ZDHHC11: variants seen among roughly 807,000 people sequenced by gnomAD.
The protein encoded by ZDHHC11 is zDHHC palmitoyltransferase 11, also known as palmitoyltransferase ZDHHC11.
Under a neutral mutation model 51.3 loss-of-function variants are expected in ZDHHC11, and 44 were observed. The ratio of observed to expected loss-of-function variants is 0.86; its 90% CI spans 0.67 to 1.10. The LOEUF is 1.10. ZDHHC11 is among the 50% of genes least tolerant of loss of function. The pLI is 0.00. For missense variants in ZDHHC11, 400 were observed against 537.7 expected (o/e 0.74, Z 2.53); for synonymous variants, 163 against 222.0 (o/e 0.73, Z 2.36).
At position 807,015 on chromosome 5, in the gene ZDHHC11, A is replaced by G. The variant is rs1452585214; in HGVS notation, c.1182-5851T>C. Among the ~76,000 whole-genome samples, 5 of 151,154 alleles carry G rather than the reference A, an allele frequency of 3.3e-5. No homozygotes were observed. The East Asian group carries it at 9.6e-4, about 29-fold the overall frequency. On this transcript the variant is annotated intron_variant, in intron 11 of 12. Transcript: ENST00000283441. ...GGAGAAATGGTTGCACCTGTACAAC[A>G]GGAGATCTGTCAAGATCAAGCAGCA...
intron 11 of ZDHHC11, among the ~76,000 whole-genome samples, chr5:805,381 T>A (rs1034147708): frequency 6.6e-6 from 1 of 150,804 alleles, no homozygotes; most frequent in African/African-American, 2.4e-5. Context: ...GAGGTTGTAG[T>A]GAGTTATCAC....
chr5:859,402 T>C (rs1163466619), upstream of ZDHHC11, among the ~76,000 whole-genome samples: 2 of 152,064 alleles, frequency 1.3e-5, no homozygotes, highest in Non-Finnish European at 1.5e-5. Context: ...CTGAGCTGAC[T>C]AGGATTGCAA....
At chr5:805,296 G>A (rs1483643744) in intron 11 of ZDHHC11, among the ~76,000 whole-genome samples, 58 of 150,906 alleles carry the variant, frequency 3.8e-4, no homozygotes, top group Admixed American at 3.8e-3. Context: ...AAATTAGCCA[G>A]GCGTGGTGAT....
chr5:859,626 C>T (rs1045967716), upstream of ZDHHC11, among the ~76,000 whole-genome samples: 2 of 152,152 alleles, frequency 1.3e-5, no homozygotes, highest in Non-Finnish European at 1.5e-5. Flanking sequence ...CGTAGTCTCG[C>T]GAGTGCAGGG....
intron 12 of ZDHHC11, among the ~76,000 whole-genome samples, chr5:799,120 C>T (rs1356930350): frequency 4.6e-5 from 7 of 151,950 alleles, no homozygotes; most frequent in South Asian, 2.1e-4. Flanking sequence ...CCTCATAGGA[C>T]GTGTTTGTGT....
intron 6 of ZDHHC11, among the ~76,000 whole-genome samples, chr5:834,140 C>T: frequency 6.6e-6 from 1 of 152,294 alleles, no homozygotes; most frequent in Non-Finnish European, 1.5e-5. Context: ...TACAACTTCA[C>T]CAACCCTCGG....
chr5:827,521 G>A (rs1742442997), intron 7 of ZDHHC11, among the ~76,000 whole-genome samples: 1 of 150,726 alleles, frequency 6.6e-6, no homozygotes, highest in Admixed American at 6.6e-5. Flanking sequence ...TAAACTTAAG[G>A]TAAAGTGGCA....
At chr5:853,203 T>G, upstream of ZDHHC11, among the ~76,000 whole-genome samples, 1 of 54,632 alleles carries the variant, frequency 1.8e-5, no homozygotes, top group Non-Finnish European at 3.5e-5. Context: ...GGGCAGAGAC[T>G]CCACAGAGGA....
Position 796,335 on chromosome 5 carries a change from A to T in ZDHHC11, c.*253T>A, listed in dbSNP as rs1194365594. On this transcript the variant is annotated 3_prime_UTR_variant, in exon 13 of 13. Coordinates refer to ENST00000283441, the MANE Select transcript of ZDHHC11 (RefSeq NM_024786.3). ...TGGCAGCCCATCTTCCTGGAGATGT[A>T]AACCCTCCTGCAAGGCTGGCTCTTC... 6.5e-6 allele frequency: 1 copy of T among 153,436 alleles called. No individual in the cohort carries two copies. The highest frequency in any genetic ancestry group is 2.4e-5 in the African/African-American group (1 of 41,082). The allele number at this position is 153,436 out of a possible 1,614,324, so 9.5% of individuals were successfully genotyped here. A position where few individuals can be genotyped will look rare whatever the true frequency, so the allele number is the denominator to read the frequency against.
At position 837,425 on chromosome 5, in the gene ZDHHC11, AC is replaced by A; in HGVS notation, c.839del (p.Ser280IlefsTer7). 6.2e-7 allele frequency: 1 copy of A among 1,612,894 alleles called. No individual in the cohort carries two copies. Among genetic ancestry groups the A allele is most frequent in the Non-Finnish European group, 8.5e-7 (1 of 1,179,218 alleles). On this transcript the variant is annotated frameshift_variant, in exon 6 of 13. Transcript: ENST00000283441. LOFTEE classifies it high-confidence loss of function. ...CTTTCCTCACTGCTTGATGTTTTGA[AC>A]TCTCTTCTTTGCGGTTATTAATGAG... ...EYLINNRKEESSKHQAVRKDP... is the reference protein window; with the variant it reads ...EYLINNRKEEXSKHQAVRKDP...
upstream of ZDHHC11, among the ~76,000 whole-genome samples, chr5:852,284 G>C (rs1040547810): frequency 6.6e-6 from 1 of 152,216 alleles, no homozygotes; most frequent in Non-Finnish European, 1.5e-5. Context: ...ATCGCTCAGC[G>C]GCCTTGAGCC....
intron 11 of ZDHHC11, among the ~76,000 whole-genome samples, chr5:806,887 T>A (rs1739337365): frequency 6.6e-6 from 1 of 151,222 alleles, no homozygotes; most frequent in African/African-American, 2.4e-5. Context: ...GGACTTCTTA[T>A]ACCCTGCTGT....
chr5:851,727 G>T (rs896174445), upstream of ZDHHC11, among the ~76,000 whole-genome samples: 2 of 152,142 alleles, frequency 1.3e-5, no homozygotes, highest in African/African-American at 4.8e-5. Flanking sequence ...GAATGTCTCT[G>T]GGAGACCCGA....
intron 7 of ZDHHC11, among the ~76,000 whole-genome samples, chr5:831,946 G>GCTAT (rs1235481380): frequency 7.1e-6 from 1 of 141,356 alleles, no homozygotes; most frequent in African/African-American, 2.7e-5. Context: ...CCCACTACTG[G>GCTAT]CTATCTACCC....
At chr5:855,477 CGGGG>C (rs1748069125), upstream of ZDHHC11, among the ~76,000 whole-genome samples, 1 of 113,838 alleles carries the variant, frequency 8.8e-6, no homozygotes, top group African/African-American at 3.5e-5. Flanking sequence ...CAGTGAGCAG[CGGGG>C]ACAGACCCCA....
chr5:817,594 A>G lies in ZDHHC11; in HGVS notation c.1146+1931T>C, dbSNP rs896568017. On this transcript the variant is annotated intron_variant, in intron 10 of 12. Transcript: ENST00000283441. The stretch of plus-strand genomic sequence containing the variant: ...AGGACAACTGTATATTTAGTATTAA[A>G]AAAACATATTCTGTGAGTTTTCTAG... Among the ~76,000 whole-genome samples, 12 of 151,360 alleles carry G rather than the reference A, an allele frequency of 7.9e-5. 1 individual carries two copies. Among genetic ancestry groups the G allele is most frequent in the African/African-American group, 2.7e-4 (11 of 41,260 alleles).
rs1296227219 is a variant in ZDHHC11 at position 796,276 on chromosome 5, C to G, written c.*312G>C. On this transcript the variant is annotated 3_prime_UTR_variant, in exon 13 of 13. Transcript: ENST00000283441. ...CAGCTGGCTGGCTGGCTGGACAGCA[C>G]AGTTAAGCAGGTGGCTGCATCCTCT... 6.5e-6 allele frequency: 1 copy of G among 154,460 alleles called. No individual in the cohort carries two copies. The highest frequency in any genetic ancestry group is 2.4e-5 in the African/African-American group (1 of 41,334). The allele number at this position is 154,460 out of a possible 1,614,324, so 9.6% of individuals were successfully genotyped here.
At chr5:831,370 A>C (rs1743057043) in intron 7 of ZDHHC11, among the ~76,000 whole-genome samples, 1 of 149,498 alleles carries the variant, frequency 6.7e-6, no homozygotes, top group African/African-American at 2.5e-5. Context: ...GATCACTTGA[A>C]GTCAAGAGTT....
In ZDHHC11 at chr5:850,698, C is replaced by G. The variant is rs1011673844; in HGVS notation, c.-96G>C. 2 of 1,458,988 alleles carry G rather than the reference C, an allele frequency of 1.4e-6. No homozygotes were observed. The highest frequency in any genetic ancestry group is 1.4e-5 in the African/African-American group (1 of 71,898). The allele number at this position is 1,458,988 out of a possible 1,614,324, so 90.4% of individuals were successfully genotyped here. On this transcript the variant is annotated 5_prime_UTR_variant, in exon 1 of 13. Coordinates refer to ENST00000283441, the MANE Select transcript of ZDHHC11 (RefSeq NM_024786.3). ...AGACCAAGGGGACTGGGAATGCAGC[C>G]GCCAGGACCAGCACTGACAGCCAAT...
Sources: allele counts gnomAD v4.1 joint callset (sites outside exome capture counted in the v4.1 genomes callset), GRCh38; gene constraint gnomAD v4.1.1; transcripts MANE v1.5; gene names NCBI Gene and HGNC (gene_info 2026-07-23, HGNC 2026-07-21).